CDH19: variants seen among roughly 807,000 people sequenced by gnomAD.
CDH19 encodes cadherin-19.
Under a neutral mutation model 64.2 loss-of-function variants are expected in CDH19, and 67 were observed. The observed-to-expected ratio is 1.04, with a 90% CI of 0.86 to 1.28. CDH19 has a LOEUF of 1.28. CDH19 is among the 50% of genes most tolerant of loss of function. The probability of loss-of-function intolerance (pLI) is 0.00; values close to 1 mark genes in which losing one functional copy is unlikely to be tolerated. For missense variants in CDH19, 1,030 were observed against 929.0 expected, an observed-to-expected ratio of 1.11 and a Z score of -1.41; for synonymous variants, 346 against 319.3, an observed-to-expected ratio of 1.08 and a Z score of -0.89.
intron 7 of CDH19, among the ~76,000 whole-genome samples, chr18:66,536,137 G>A (rs1367902224): frequency 6.6e-6 from 1 of 151,166 alleles, no homozygotes; most frequent in Non-Finnish European, 1.5e-5. Context: ...AAATTAAAGA[G>A]CAATAATAAC....
chr18:66,507,283 G>C (rs1057108997), intron 11 of CDH19, among the ~76,000 whole-genome samples: 6 of 131,806 alleles, frequency 4.6e-5, no homozygotes, highest in African/African-American at 2.1e-4. Context: ...TGTAATGGTA[G>C]GTGTAAATGA....
At chr18:66,525,357 T>A (rs1986181152) in intron 9 of CDH19, among the ~76,000 whole-genome samples, 1 of 152,186 alleles carries the variant, frequency 6.6e-6, no homozygotes, top group Non-Finnish European at 1.5e-5. Flanking sequence ...AAAGCATTTT[T>A]TTTTAGAGAT....
In CDH19 at chr18:66,551,229, T is replaced by C. The variant is rs1987331557; in HGVS notation, c.640A>G (p.Arg214Gly). ...ACCCAATACTCATCTTGCAGTTCTC[T>C]ATCCATTTTAGAAGATATTCTTATG... is the stretch of plus-strand genomic sequence containing the variant. Reference protein sequence around the residue: ...GVIRISSKMDRELQDEYWVII... With the variant: ...GVIRISSKMDGELQDEYWVII... Residue 214 changes from arginine to glycine, a missense_variant, in exon 5 of 12, where the codon AGA becomes GGA. Transcript: ENST00000262150. 2 of 1,544,802 alleles carry C rather than the reference T, an allele frequency of 1.3e-6. No individual in the cohort carries two copies. Among genetic ancestry groups the C allele is most frequent in the Non-Finnish European group, 8.9e-7 (1 of 1,118,676 alleles).
chr18:66,594,610 G>A (rs1428501993), intron 1 of CDH19, among the ~76,000 whole-genome samples: 1 of 151,712 alleles, frequency 6.6e-6, no homozygotes, highest in Non-Finnish European at 1.5e-5. Flanking sequence ...TAACCCAAAT[G>A]TCCAACAATG....
At chr18:66,525,229 C>G (rs550890803) in intron 9 of CDH19, among the ~76,000 whole-genome samples, 3 of 152,042 alleles carry the variant, frequency 2.0e-5, no homozygotes, top group Non-Finnish European at 2.9e-5. Flanking sequence ...AATCAAATAA[C>G]TTTTACTACC....
Position 66,523,620 on chromosome 18 carries a change from G to A in CDH19, c.1458+6225C>T, listed in dbSNP as rs934951620. Among the ~76,000 whole-genome samples, 7 of 151,992 alleles carry A rather than the reference G, an allele frequency of 4.6e-5. No homozygotes were observed. The South Asian group carries it at 1.0e-3, about 23-fold the overall frequency. On this transcript the variant is annotated intron_variant, in intron 9 of 11. Transcript: ENST00000262150. ...CAGTGTTTACACTCGGTGGGGGTGG[G>A]GGGGGAGTGGGTCTCAAGGCGGTTG...
At chr18:66,520,951 C>A (rs1985957274) in intron 9 of CDH19, among the ~76,000 whole-genome samples, 1 of 151,916 alleles carries the variant, frequency 6.6e-6, no homozygotes, top group Middle Eastern at 3.2e-3. Flanking sequence ...GATCACTTTT[C>A]TTTTTATTAG....
chr18:66,530,100 A>C, intron 8 of CDH19, 134 bp from the exon 9 acceptor site: 2 of 388,274 alleles, frequency 5.2e-6, no homozygotes, highest in Non-Finnish European at 9.3e-6. Flanking sequence ...AGGACAGGAT[A>C]TCTATATGAT....
At position 66,551,153 on chromosome 18, in the gene CDH19, G is replaced by A. The variant is rs1374742656; in HGVS notation, c.716C>T (p.Thr239Ile). 1 of 1,608,456 alleles carries A rather than the reference G, an allele frequency of 6.2e-7. No homozygotes were observed. The highest frequency in any genetic ancestry group is 8.5e-7 in the Non-Finnish European group (1 of 1,175,268). The change falls in exon 5 of 12, where the codon ACA (threonine) becomes ATA (isoleucine). Residue 239 changes from threonine (T) to isoleucine (I), a missense_variant. By Grantham distance (89) the Thr-to-Ile change is moderately conservative. Transcript: ENST00000262150. ...MIGQPGALSG[T>I]TSVLIKLSDV... ...TGAAAGTTTAATTAATACACTTGTT[G>A]TTCCAGACAACGCTCCTGGCTGACC...
At chr18:66,566,141 AC>A (rs2144562832) in intron 3 of CDH19, among the ~76,000 whole-genome samples, 1 of 152,044 alleles carries the variant, frequency 6.6e-6, no homozygotes, top group African/African-American at 2.4e-5. Context: ...CTAAAATTTT[AC>A]CCATGCTCTC....
chr18:66,535,180 G>A (rs1986612048), intron 7 of CDH19, 73 bp from the exon 8 acceptor site: 1 of 899,620 alleles, frequency 1.1e-6, no homozygotes, highest in Non-Finnish European at 1.6e-6. Context: ...TACTCTTTAA[G>A]CAATAAGACA....
intron 3 of CDH19, among the ~76,000 whole-genome samples, chr18:66,561,966 T>C (rs561861363): frequency 1.3e-5 from 2 of 152,076 alleles, no homozygotes; most frequent in African/African-American, 4.8e-5. Context: ...CAACTTTTCA[T>C]AGCAAAAGGT....
rs1002020510 is a variant in CDH19, at chr18:66,586,734, T to A, written c.-112-14418A>T. Reference sequence around the variant, plus strand: ...ATGCTCATTTCAAAAAGGTACTCTGTATTTTTGTGAATTTATTTAAATCTT... The same window carrying A: ...ATGCTCATTTCAAAAAGGTACTCTGAATTTTTGTGAATTTATTTAAATCTT... On this transcript the variant is annotated intron_variant, in intron 1 of 11. Transcript: ENST00000262150. Among the ~76,000 whole-genome samples the A allele has an allele frequency of 8.6e-5, 13 of 152,026 alleles. No individual in the cohort carries two copies. In the South Asian group the frequency reaches 1.2e-3, roughly 15 times the overall value.
At chr18:66,566,037 T>A (rs1188105524) in intron 3 of CDH19, among the ~76,000 whole-genome samples, 2 of 151,956 alleles carry the variant, frequency 1.3e-5, no homozygotes, top group African/African-American at 4.8e-5. Context: ...TCTGAACATC[T>A]ACAGTGGGGC....
intron 7 of CDH19, among the ~76,000 whole-genome samples, chr18:66,543,411 C>A (rs1226816590): frequency 6.6e-6 from 1 of 152,142 alleles, no homozygotes; most frequent in Non-Finnish European, 1.5e-5. Context: ...TATCTCCTTT[C>A]CCCAATTAAG....
rs1045014308 is a variant in CDH19 at position 66,543,073 on chromosome 18, C to G, written c.1214+898G>C. On this transcript the variant is annotated intron_variant, in intron 7 of 11. Coordinates refer to ENST00000262150, the MANE Select transcript of CDH19 (RefSeq NM_021153.4). ...CGGAGTCTCGCTTTGTCACCCAGGC[C>G]GGAGTGCAGTGGTGCAATCTTGGCT... 3.3e-5 allele frequency among the ~76,000 whole-genome samples: 5 copies of G among 152,078 alleles called. 1 individual carries two copies. The highest frequency in any genetic ancestry group is 1.2e-4 in the African/African-American group (5 of 41,438).
At chr18:66,505,652 A>G (rs1985163630) in intron 11 of CDH19, among the ~76,000 whole-genome samples, 4 of 150,336 alleles carry the variant, frequency 2.7e-5, no homozygotes, top group African/African-American at 9.7e-5. Context: ...AAATATTAAA[A>G]TAGAATAAAG....
chr18:66,507,548 A>G (rs1985261698), intron 11 of CDH19, among the ~76,000 whole-genome samples: 1 of 151,858 alleles, frequency 6.6e-6, no homozygotes, highest in Non-Finnish European at 1.5e-5. Flanking sequence ...TAGTCCTGAA[A>G]GCCTGATTAA....
At chr18:66,575,736 A>C (rs2144590419) in intron 1 of CDH19, among the ~76,000 whole-genome samples, 1 of 151,986 alleles carries the variant, frequency 6.6e-6, no homozygotes, top group South Asian at 2.1e-4. Context: ...ATAAAATAAT[A>C]CTAGAAGGAA....
Sources: allele counts gnomAD v4.1 joint callset (sites outside exome capture counted in the v4.1 genomes callset), GRCh38; gene constraint gnomAD v4.1.1; transcripts MANE v1.5; gene names NCBI Gene and HGNC (gene_info 2026-07-23, HGNC 2026-07-21).